KMT5C: variants seen among roughly 807,000 people sequenced by gnomAD.
KMT5C encodes histone-lysine N-methyltransferase KMT5C.
KMT5C carries 16 observed loss-of-function variants against 38.2 expected under a neutral mutation model. That is an observed-to-expected ratio of 0.42 (90% confidence interval 0.28 to 0.64). KMT5C has a LOEUF of 0.64. Ranked by LOEUF, KMT5C falls within the 30% of genes least tolerant of loss-of-function variation. KMT5C has a pLI of 0.23. For missense variants in KMT5C, 598 were observed against 665.1 expected (o/e 0.90, Z 1.11); for synonymous variants, 291 against 279.0 (o/e 1.04, Z -0.43).
At chr19:55,345,281 C>T (rs2089604923) in intron 6 of KMT5C, 1 of 352,878 alleles carries the variant, frequency 2.8e-6, no homozygotes, top group Admixed American at 3.8e-5. Flanking sequence ...CTGGGGGTGC[C>T]CAGCGACGGC....
Position 55,346,216 on chromosome 19 carries a change from G to C in KMT5C, c.574G>C (p.Val192Leu). ...NHDCKPNCKF[V>L]PADGNAACVK... ...GCTGAGTGGGCTTGGCCCTCAGTTTGTGCCTGCAGATGGGAACGCAGCCTG... is the reference window on the plus strand; with the variant it reads ...GCTGAGTGGGCTTGGCCCTCAGTTTCTGCCTGCAGATGGGAACGCAGCCTG... The change falls in exon 7 of 9, where the codon GTG (valine) becomes CTG (leucine). Residue 192 changes from valine (V) to leucine (L), a missense_variant. Val to Leu is a conservative substitution (Grantham distance 32). This residue lies in a region of KMT5C where 105 missense variants were observed against 179.2 expected (regional missense o/e 0.59). Transcript: ENST00000255613. The C allele has an allele frequency of 6.2e-7, 1 of 1,613,832 alleles. No individual in the cohort carries two copies. The highest frequency in any genetic ancestry group is 1.7e-5 in the Admixed American group (1 of 60,012).
chr19:55,341,396 AG>A (rs2089554933), intron 1 of KMT5C, among the ~76,000 whole-genome samples: 1 of 141,938 alleles, frequency 7.0e-6, no homozygotes, highest in African/African-American at 2.5e-5. Flanking sequence ...GGCTGGGTCG[AG>A]GTGGGGGTGG....
intron 6 of KMT5C, 139 bp from the exon 7 acceptor site, chr19:55,346,074 G>C: frequency 9.7e-7 from 1 of 1,035,100 alleles, no homozygotes; most frequent in South Asian, 1.5e-5. Flanking sequence ...AGCCGCCTCG[G>C]AATGCCACTT....
In KMT5C at chr19:55,343,154, AC is replaced by A; in HGVS notation, c.386+307del. Reference sequence around the variant, plus strand: ...CCTGAGCCCCCACCACATGTTAAACACCCCTGAGTGCAATGAGGAGCCCCTG... The same window carrying A: ...CCTGAGCCCCCACCACATGTTAAACACCCTGAGTGCAATGAGGAGCCCCTG... On this transcript the variant is annotated intron_variant, in intron 4 of 8. Transcript: ENST00000255613. The surrounding 1 kb of genome is among the most constrained non-coding windows in gnomAD (Gnocchi z 5.5). 2.9e-6 allele frequency: 1 copy of A among 346,070 alleles called. No individual in the cohort carries two copies. Among genetic ancestry groups the A allele is most frequent in the Non-Finnish European group, 5.4e-6 (1 of 184,310 alleles). 21.4% of individuals were successfully genotyped at this position (346,070 alleles called of 1,614,324 possible).
At position 55,342,222 on chromosome 19, in the gene KMT5C, C is replaced by G. The variant is rs762469600; in HGVS notation, c.118C>G (p.Pro40Ala). 3 of 1,608,304 alleles carry G rather than the reference C, an allele frequency of 1.9e-6. No homozygotes were observed. Among genetic ancestry groups the G allele is most frequent in the African/African-American group, 1.3e-5 (1 of 74,832 alleles). Residue 40 changes from proline (P) to alanine (A), a missense_variant, in exon 3 of 9, where the codon CCC becomes GCC. This residue lies in a region of KMT5C where 167 missense variants were observed against 187.8 expected (regional missense o/e 0.89). Coordinates refer to ENST00000255613, the MANE Select transcript of KMT5C (RefSeq NM_032701.4). ...RTHKMNVSPV[P>A]PLRRQQHLRS... ...GCATGCCCTCTCCCCCAGCCCTGTG[C>G]CCCCCCTGCGGCGACAGCAGCACCT...
chr19:55,342,935 G>T, intron 4 of KMT5C, 84 bp downstream of exon 4: 1 of 895,526 alleles, frequency 1.1e-6, no homozygotes, highest in Non-Finnish European at 1.9e-6. Flanking sequence ...TCATGGACTG[G>T]CCAACCGGGG....
intron 6 of KMT5C, chr19:55,344,252 C>T (rs553444892): frequency 4.8e-4 from 172 of 355,588 alleles, no homozygotes; most frequent in African/African-American, 3.5e-3. Flanking sequence ...GTCTCAGCTA[C>T]TTGGGAGGCT....
intron 6 of KMT5C, among the ~76,000 whole-genome samples, chr19:55,345,802 C>T (rs531673220): frequency 2.6e-5 from 4 of 152,110 alleles, no homozygotes; most frequent in Admixed American, 1.3e-4. Context: ...GGGGGCGGCC[C>T]GCAGCAGGCA....
At chr19:55,341,218 C>T (rs1028393031) in intron 1 of KMT5C, among the ~76,000 whole-genome samples, 15 of 152,152 alleles carry the variant, frequency 9.9e-5, no homozygotes, top group Admixed American at 3.9e-4. Flanking sequence ...CCCACCCCCG[C>T]TTTTGTCCTC....
rs781721704 is a variant in KMT5C at position 55,342,326 on chromosome 19, G to A, written c.222G>A (p.Thr74=). Residue 74 remains threonine (T), a synonymous_variant, in exon 3 of 9, where the codon ACG becomes ACA. Coordinates refer to ENST00000255613, the MANE Select transcript of KMT5C (RefSeq NM_032701.4). ...GGGCCCTGACGCTGGGAGGCTGGAC[G>A]GCCCGCTACTTCCAGAGCCGGGGCC... ...AYRALTLGGW[T]ARYFQSRGPR... 8.9e-6 allele frequency: 14 copies of A among 1,569,646 alleles called. No individual in the cohort carries two copies. The highest frequency in any genetic ancestry group is 7.0e-5 in the South Asian group (6 of 85,756).
At chr19:55,345,803 G>A (rs548225517) in intron 6 of KMT5C, among the ~76,000 whole-genome samples, 2 of 152,306 alleles carry the variant, frequency 1.3e-5, no homozygotes, top group East Asian at 1.9e-4. Context: ...GGGGCGGCCC[G>A]CAGCAGGCAG....
Position 55,347,226 on chromosome 19 carries a change from A to G in KMT5C, c.1166A>G (p.Asp389Gly). 6.5e-7 allele frequency: 1 copy of G among 1,542,360 alleles called. No homozygotes were observed. The highest frequency in any genetic ancestry group is 8.7e-7 in the Non-Finnish European group (1 of 1,147,370). Residue 389 changes from aspartate (D) to glycine (G), a missense_variant, in exon 9 of 9, where the codon GAC becomes GGC. Around this residue, in one of 3 missense-constraint regions of KMT5C, gnomAD observed 326 missense variants for 298.1 expected, o/e 1.09. Transcript: ENST00000255613. The surrounding 1 kb of genome is among the most constrained non-coding windows in gnomAD (Gnocchi z 4.6). ...PPHARWAPQQDWHWARRYGLP... is the reference protein window; with the variant it reads ...PPHARWAPQQGWHWARRYGLP... ...CACGCCCGCTGGGCCCCTCAGCAGGACTGGCACTGGGCCCGGCGCTATGGG... is the reference window on the plus strand; with the variant it reads ...CACGCCCGCTGGGCCCCTCAGCAGGGCTGGCACTGGGCCCGGCGCTATGGG...
Position 55,343,312 on chromosome 19 carries a change from C to T in KMT5C, c.387-368C>T. The T allele has an allele frequency of 2.9e-6, 1 of 342,106 alleles. No individual in the cohort carries two copies. The highest frequency in any genetic ancestry group is 6.0e-5 in the East Asian group (1 of 16,654). The allele number at this position is 342,106 out of a possible 1,614,324, so 21.2% of individuals were successfully genotyped here. ...ATGAGCAAGTGCTCCCAGGGCGAGG[C>T]TCACACTGACAGGGGAAGCACCCGC... On this transcript the variant is annotated intron_variant, in intron 4 of 8. Transcript: ENST00000255613. This position sits in a 1 kb window ranked among gnomAD's most constrained non-coding sequence, Gnocchi z 5.5.
rs984835495 is a variant in KMT5C at position 55,343,445 on chromosome 19, C to T, written c.387-235C>T. 38 of 574,278 alleles carry T rather than the reference C, an allele frequency of 6.6e-5. No homozygotes were observed. The highest frequency in any genetic ancestry group is 9.3e-4 in the Middle Eastern group (2 of 2,160). The allele number at this position is 574,278 out of a possible 1,614,324, so 35.6% of individuals were successfully genotyped here. A position where few individuals can be genotyped will look rare whatever the true frequency, so the allele number is the denominator to read the frequency against. On this transcript the variant is annotated intron_variant, in intron 4 of 8. Coordinates refer to ENST00000255613, the MANE Select transcript of KMT5C (RefSeq NM_032701.4). The surrounding 1 kb of genome is among the most constrained non-coding windows in gnomAD (Gnocchi z 5.5). ...GAATGGGGGCTGTATCTGCTGTGTG[C>T]GTGCTGCCCTGAAGGCTTTCAGTAG...
At chr19:55,345,538 G>T (rs1006957187) in intron 6 of KMT5C, among the ~76,000 whole-genome samples, 3 of 152,202 alleles carry the variant, frequency 2.0e-5, no homozygotes, top group African/African-American at 7.2e-5. Flanking sequence ...GGCAGTGGCC[G>T]GTTGGTCTGG....
chr19:55,346,436 G>A, intron 7 of KMT5C, 64 bp from the exon 8 acceptor site: 1 of 1,606,814 alleles, frequency 6.2e-7, no homozygotes, highest in Admixed American at 1.7e-5. Context: ...CCCTGAGTGT[G>A]TCCAACCCCA....
rs1490044646 is a variant in KMT5C at position 55,347,050 on chromosome 19, G to A, written c.990G>A (p.Val330=). 3.0e-5 allele frequency: 47 copies of A among 1,561,238 alleles called. No homozygotes were observed. The highest frequency in any genetic ancestry group is 3.8e-5 in the Non-Finnish European group (44 of 1,149,230). Residue 330 remains valine (V), a synonymous_variant, in exon 9 of 9, where the codon GTG becomes GTA. Transcript: ENST00000255613. This position sits in a 1 kb window ranked among gnomAD's most constrained non-coding sequence, Gnocchi z 4.6. ...LQWLPQPQPR[V]RPRKRRRPRP... ...GGCTGCCTCAGCCCCAGCCCCGAGT[G>A]CGGCCCCGGAAGCGCCGACGCCCCC... is the stretch of plus-strand genomic sequence containing the variant.
At chr19:55,344,566 C>T (rs566928772) in intron 6 of KMT5C, 33 of 385,692 alleles carry the variant, frequency 8.6e-5, no homozygotes, top group South Asian at 4.6e-4. Flanking sequence ...CTCTGAAAAC[C>T]GAGCTGGGAG....
At chr19:55,341,568 A>C in intron 1 of KMT5C, 1 of 274,736 alleles carries the variant, frequency 3.6e-6, no homozygotes, top group Non-Finnish European at 7.1e-6. Context: ...GGGTCTCTGT[A>C]CATATGGGCA....
Sources: gnomAD v4.1 joint callset for allele counts (sites outside exome capture counted in the v4.1 genomes callset) on GRCh38, gnomAD v4.1.1 for gene constraint, gnomAD v4.1.1 regional missense constraint, Gnocchi (gnomAD v3.1) non-coding constraint, MANE v1.5 for transcripts, NCBI Gene and HGNC (gene_info 2026-07-23, HGNC 2026-07-21) for gene names.